The following TAMM41 variants were observed in gnomAD, a reference collection of about 807,000 sequenced individuals.
TAMM41 encodes the protein phosphatidate cytidylyltransferase, mitochondrial.
TAMM41 carries 36 observed loss-of-function variants against 44.1 expected under a neutral mutation model. The observed-to-expected ratio is 0.82, with a 90% CI of 0.63 to 1.08. TAMM41 has a LOEUF of 1.08. Among genes scored for constraint, TAMM41 ranks in the 50% least tolerant of loss-of-function variants. The probability of loss-of-function intolerance (pLI) is 0.00; values close to 1 mark genes in which losing one functional copy is unlikely to be tolerated. For missense variants in TAMM41, 417 were observed against 404.3 expected (o/e 1.03, Z -0.27); for synonymous variants, 164 against 153.1 (o/e 1.07, Z -0.53).
At chr3:11,735,153 G>T in the TAMM41 span, among the ~76,000 whole-genome samples, 1 of 151,464 alleles carries the variant, frequency 6.6e-6, no homozygotes, top group East Asian at 2.0e-4. Context: ...TGAGCCAGGA[G>T]TTCAAGACCA....
At chr3:11,752,074 G>A in the TAMM41 span, among the ~76,000 whole-genome samples, 2 of 152,154 alleles carry the variant, frequency 1.3e-5, no homozygotes, top group Non-Finnish European at 2.9e-5. Flanking sequence ...TTGTGTGTCC[G>A]GAGTTGGTTC....
At chr3:11,743,613 G>A in the TAMM41 span, among the ~76,000 whole-genome samples, 74 of 152,234 alleles carry the variant, frequency 4.9e-4, no homozygotes, top group African/African-American at 1.6e-3. Context: ...GATTACAGGC[G>A]TGAGCCACCC....
the TAMM41 span, among the ~76,000 whole-genome samples, chr3:11,739,801 G>C: frequency 6.6e-6 from 1 of 151,710 alleles, no homozygotes; most frequent in Admixed American, 6.6e-5. Context: ...CAGACTACAG[G>C]TTCCCAGAGA....
intron 3 of TAMM41, chr3:11,833,120 C>T (rs748027321): frequency 1.1e-4 from 145 of 1,283,822 alleles, no homozygotes; most frequent in Non-Finnish European, 1.4e-4. Context: ...GAGTGAAAAG[C>T]CAGTGAACTC....
intron 3 of TAMM41, chr3:11,833,256 G>A (rs62248590): frequency 0.024 from 21,951 of 915,112 alleles, 293 homozygotes; most frequent in Non-Finnish European, 0.027. Context: ...CTGCCAGGGA[G>A]GAAAATCTTT....
At chr3:11,731,877 ATT>A in the TAMM41 span, among the ~76,000 whole-genome samples, 118 of 141,832 alleles carry the variant, frequency 8.3e-4, no homozygotes, top group South Asian at 3.2e-3. Flanking sequence ...TAATTAGGGC[ATT>A]TTTTTTTTTT....
At chr3:11,831,361 T>G (rs956666526) in intron 3 of TAMM41, among the ~76,000 whole-genome samples, 1 of 152,154 alleles carries the variant, frequency 6.6e-6, no homozygotes, top group Non-Finnish European at 1.5e-5. Flanking sequence ...CACTGTCAAA[T>G]TGCTCTTCAG....
At position 11,829,812 on chromosome 3, in the gene TAMM41, C is replaced by T; in HGVS notation, c.464G>A (p.Arg155Lys). The change falls in exon 4 of 8, where the codon AGA (arginine) becomes AAA (lysine). Residue 155 changes from arginine to lysine, a missense_variant. By Grantham distance (26) the Arg-to-Lys change is conservative. Transcript: ENST00000455809. ...AGCGGTCACAGCACTCTTCAGATTT[C>T]TATCGAGGGCTGATCTAAGAGTGAC... ...EDVTLRSALD[R>K]NLKSAVTAAF... The T allele has an allele frequency of 6.2e-7, 1 of 1,614,186 alleles. No homozygotes were observed. The highest frequency in any genetic ancestry group is 8.5e-7 in the Non-Finnish European group (1 of 1,180,022).
intron 3 of TAMM41, among the ~76,000 whole-genome samples, chr3:11,838,187 T>C (rs1280996935): frequency 6.6e-6 from 1 of 152,204 alleles, no homozygotes; most frequent in Non-Finnish European, 1.5e-5. Context: ...TTTGCTAGAA[T>C]GGCTCACAGA....
chr3:11,846,771 G>A lies in TAMM41; in HGVS notation c.-135C>T. On this transcript the variant is annotated 5_prime_UTR_variant, in exon 1 of 8. Transcript: ENST00000455809. ...TCGAGGGACACAAGGCTGAGTGTGG[G>A]GTGGGACTGCAAGCACACGCAAGGA... is the stretch of plus-strand genomic sequence containing the variant. The A allele has an allele frequency of 8.6e-7, 1 of 1,159,956 alleles. No homozygotes were observed. Among genetic ancestry groups the A allele is most frequent in the Non-Finnish European group, 1.2e-6 (1 of 814,722 alleles). 71.9% of individuals were successfully genotyped at this position (1,159,956 alleles called of 1,614,324 possible). A position where few individuals can be genotyped will look rare whatever the true frequency, so the allele number is the denominator to read the frequency against.
intron 5 of TAMM41, among the ~76,000 whole-genome samples, chr3:11,816,041 TTTCA>T: frequency 6.6e-6 from 1 of 152,346 alleles, no homozygotes; most frequent in African/African-American, 2.4e-5. Context: ...TATTCTCGCA[TTTCA>T]TATGTCACTC....
At chr3:11,747,325 G>A in the TAMM41 span, among the ~76,000 whole-genome samples, 2 of 152,194 alleles carry the variant, frequency 1.3e-5, no homozygotes, top group East Asian at 1.9e-4. Flanking sequence ...GCCTCCCAAC[G>A]TGCTGGGATT....
chr3:11,747,342 A>G, the TAMM41 span, among the ~76,000 whole-genome samples: 1 of 152,148 alleles, frequency 6.6e-6, no homozygotes, highest in Non-Finnish European at 1.5e-5. Context: ...GATTACAGGC[A>G]TGAGCCACCA....
At chr3:11,835,990 C>CTTTT (rs34707251) in intron 3 of TAMM41, among the ~76,000 whole-genome samples, 3 of 137,892 alleles carry the variant, frequency 2.2e-5, no homozygotes, top group Non-Finnish European at 4.6e-5. Context: ...ATTCCTTTTC[C>CTTTT]TTTTTTTTTT....
intron 2 of TAMM41, among the ~76,000 whole-genome samples, chr3:11,841,809 C>T (rs1461722313): frequency 6.6e-6 from 1 of 152,182 alleles, no homozygotes; most frequent in South Asian, 2.1e-4. Flanking sequence ...ACAGAAACAC[C>T]ACGGGCCTGG....
intron 4 of TAMM41, among the ~76,000 whole-genome samples, chr3:11,823,900 A>G (rs1405276634): frequency 1.4e-5 from 2 of 146,872 alleles, no homozygotes; most frequent in Non-Finnish European, 3.0e-5. Flanking sequence ...ATCTCGGCTC[A>G]CTGCAACCTC....
chr3:11,806,507 T>A (rs948450072), intron 7 of TAMM41, among the ~76,000 whole-genome samples: 2 of 151,404 alleles, frequency 1.3e-5, no homozygotes, highest in African/African-American at 4.9e-5. Context: ...AACAGAAGGG[T>A]TGGAAGCTAA....
At chr3:11,781,296 G>A in the TAMM41 span, among the ~76,000 whole-genome samples, 1 of 152,154 alleles carries the variant, frequency 6.6e-6, no homozygotes, top group African/African-American at 2.4e-5. Flanking sequence ...CAGATGTCCT[G>A]TAGTGTTTGG....
At chr3:11,735,434 G>T in the TAMM41 span, among the ~76,000 whole-genome samples, 1 of 151,954 alleles carries the variant, frequency 6.6e-6, no homozygotes, top group African/African-American at 2.4e-5. Flanking sequence ...AGGAGTTTGA[G>T]ACCAACCTGG....
Sources: allele counts gnomAD v4.1 joint callset (sites outside exome capture counted in the v4.1 genomes callset), GRCh38; gene constraint gnomAD v4.1.1; transcripts MANE v1.5; gene names NCBI Gene and HGNC (gene_info 2026-07-23, HGNC 2026-07-21).